The following DNAJC13 variants were observed in gnomAD, a reference collection of about 807,000 sequenced individuals.
DNAJC13 encodes the protein dnaJ homolog subfamily C member 13.
In DNAJC13, 75 loss-of-function variants were observed where a neutral mutation model predicts 290.5. The observed-to-expected ratio is 0.26, with a 90% CI of 0.21 to 0.31. The LOEUF (loss-of-function observed/expected upper bound fraction) is 0.31. Ranked by LOEUF, DNAJC13 falls within the 10% of genes least tolerant of loss-of-function variation. The pLI, the probability that DNAJC13 is intolerant of heterozygous loss-of-function variation, is 1.00. For synonymous variants in DNAJC13, 862 were observed against 892.0 expected (o/e 0.97, Z 0.60); for missense variants, 2,260 against 2,674.5 (o/e 0.85, Z 3.42).
At chr3:132,435,743 T>G (rs981606902) in intron 2 of DNAJC13, among the ~76,000 whole-genome samples, 1 of 152,192 alleles carries the variant, frequency 6.6e-6, no homozygotes, top group Non-Finnish European at 1.5e-5. Flanking sequence ...AGTATATCTT[T>G]AAATAATCCT....
At chr3:132,494,981 T>C (rs1935186564) in intron 34 of DNAJC13, 107 bp from the exon 35 acceptor site, 1 of 707,380 alleles carries the variant, frequency 1.4e-6, no homozygotes, top group Non-Finnish European at 2.3e-6. Context: ...TATATAATCA[T>C]ATACAATTCT....
chr3:132,433,369 C>A (rs954783458), intron 1 of DNAJC13, among the ~76,000 whole-genome samples: 16 of 151,718 alleles, frequency 1.1e-4, no homozygotes, highest in Non-Finnish European at 5.9e-5. Context: ...TAATACCACA[C>A]TACTCAATAG....
chr3:132,429,709 T>C (rs1939192993), intron 1 of DNAJC13, among the ~76,000 whole-genome samples: 1 of 152,190 alleles, frequency 6.6e-6, no homozygotes, highest in Non-Finnish European at 1.5e-5. Context: ...GATGGTAATA[T>C]AGCATTGAAT....
chr3:132,490,845 G>A, intron 31 of DNAJC13, 52 bp from the exon 32 acceptor site: 1 of 1,415,390 alleles, frequency 7.1e-7, no homozygotes, highest in Non-Finnish European at 9.3e-7. Flanking sequence ...TTAGAAAATT[G>A]AAAGTTAACT....
chr3:132,460,962 A>T (rs1933777731), intron 14 of DNAJC13, 88 bp from the exon 15 acceptor site: 1 of 1,258,876 alleles, frequency 7.9e-7, no homozygotes, highest in Admixed American at 2.3e-5. Flanking sequence ...TGACATATAG[A>T]ATAACAGAAA....
chr3:132,465,538 G>A (rs1933950613), intron 17 of DNAJC13, among the ~76,000 whole-genome samples: 1 of 152,128 alleles, frequency 6.6e-6, no homozygotes, highest in Non-Finnish European at 1.5e-5. Context: ...CTCTAGAAGT[G>A]AAAATAATTT....
rs565082938 is a variant in DNAJC13, at chr3:132,479,868, G to A, written c.2773-501G>A. Among the ~76,000 whole-genome samples, 552 of 152,154 alleles carry A rather than the reference G, an allele frequency of 3.6e-3. 3 individuals are homozygous for A. Among genetic ancestry groups the A allele is most frequent in the Non-Finnish European group, 6.5e-3 (441 of 67,960 alleles). On this transcript the variant is annotated intron_variant, in intron 25 of 55. Transcript: ENST00000260818. ...TTTGATACTAATACCAATTTGCATA[G>A]TTTTATTCTTAAGTAATGCAAATGT...
intron 22 of DNAJC13, among the ~76,000 whole-genome samples, chr3:132,475,858 C>G (rs529912583): frequency 2.8e-4 from 42 of 152,168 alleles, no homozygotes; most frequent in Non-Finnish European, 5.3e-4. Context: ...AGTTTCAGTT[C>G]TTTGACCTCG....
intron 1 of DNAJC13, among the ~76,000 whole-genome samples, chr3:132,423,696 T>C (rs77231237): frequency 0.03 from 4,497 of 152,318 alleles, 216 homozygotes; most frequent in African/African-American, 0.1. Flanking sequence ...TGTATGTTTT[T>C]GCTATTTTGT....
intron 51 of DNAJC13, 187 bp downstream of exon 51, chr3:132,523,900 T>C (rs927974633): frequency 7.1e-6 from 4 of 564,874 alleles, no homozygotes; most frequent in African/African-American, 3.8e-5. Context: ...TGAAGCTCTT[T>C]AGTATGTTTA....
chr3:132,499,792 G>A lies in DNAJC13; in HGVS notation c.4400G>A (p.Ser1467Asn), dbSNP rs577390595. 6.7e-5 allele frequency: 108 copies of A among 1,614,090 alleles called. 1 individual carries two copies. In the South Asian group the frequency reaches 1.1e-3, roughly 17 times the overall value. The change falls in exon 38 of 56, where the codon AGT (serine) becomes AAT (asparagine). Residue 1467 changes from serine to asparagine, a missense_variant. Physicochemically the swap from Ser to Asn is conservative, Grantham distance 46. This residue lies in a region of DNAJC13 where 1,494 missense variants were observed against 1,693.7 expected (regional missense o/e 0.88). Coordinates refer to ENST00000260818, the MANE Select transcript of DNAJC13 (RefSeq NM_015268.4). ...VAVLTRASKPSDMSVQVCGYI... is the reference protein window; with the variant it reads ...VAVLTRASKPNDMSVQVCGYI... ...GTCTTGACTCGTGCTAGTAAACCAA[G>A]TGACATGTCAGTACAGGTGAGGCTA...
chr3:132,467,111 T>C, intron 19 of DNAJC13, 59 bp from the exon 20 acceptor site: 3 of 1,549,314 alleles, frequency 1.9e-6, no homozygotes, highest in Non-Finnish European at 2.6e-6. Flanking sequence ...CAGCTTTACA[T>C]AGAGTTTTAA....
intron 20 of DNAJC13, among the ~76,000 whole-genome samples, chr3:132,467,537 C>G (rs887734812): frequency 5.3e-5 from 8 of 152,152 alleles, no homozygotes; most frequent in African/African-American, 1.9e-4. Flanking sequence ...GCGATCTCGT[C>G]TCACTGCAAG....
intron 27 of DNAJC13, 50 bp from the exon 28 acceptor site, chr3:132,483,325 G>T: frequency 1.3e-6 from 2 of 1,496,730 alleles, no homozygotes; most frequent in Admixed American, 1.7e-5. Context: ...ACACTAGTGA[G>T]GTTTTTCATT....
intron 29 of DNAJC13, among the ~76,000 whole-genome samples, chr3:132,486,726 C>G (rs986586560): frequency 6.6e-6 from 1 of 152,154 alleles, no homozygotes; most frequent in East Asian, 1.9e-4. Context: ...ATGTTATCTT[C>G]ATCGGTTGGA....
In DNAJC13 at chr3:132,525,803, C is replaced by T. The variant is rs765982730; in HGVS notation, c.6240+14C>T. On this transcript the variant is annotated intron_variant, in intron 52 of 55. Transcript: ENST00000260818. ...TCTGAAAATGAGGTATTGATGAATA[C>T]ACTTAGTAGTTTATAAGCTCCAGAA... 6.2e-7 allele frequency: 1 copy of T among 1,609,968 alleles called. No individual in the cohort carries two copies. The highest frequency in any genetic ancestry group is 1.3e-5 in the African/African-American group (1 of 74,928).
chr3:132,423,169 C>G (rs961422419), intron 1 of DNAJC13, among the ~76,000 whole-genome samples: 1 of 152,084 alleles, frequency 6.6e-6, no homozygotes, highest in Admixed American at 6.5e-5. Flanking sequence ...GTGACGTGTG[C>G]TCGGGAGGCT....
At chr3:132,497,047 C>T (rs1935255916) in intron 36 of DNAJC13, among the ~76,000 whole-genome samples, 1 of 152,160 alleles carries the variant, frequency 6.6e-6, no homozygotes. Context: ...CTTTAAAAGC[C>T]TCTGAAGGTT....
chr3:132,520,961 TAGG>T (rs546497269), intron 48 of DNAJC13, among the ~76,000 whole-genome samples: 24 of 152,338 alleles, frequency 1.6e-4, no homozygotes, highest in Non-Finnish European at 3.1e-4. Flanking sequence ...GGTTAGTTAT[TAGG>T]AGTTCTTTTA....
Sources: allele counts gnomAD v4.1 joint callset (sites outside exome capture counted in the v4.1 genomes callset), GRCh38; gene constraint gnomAD v4.1.1; regional missense constraint gnomAD v4.1.1; transcripts MANE v1.5; gene names NCBI Gene and HGNC (gene_info 2026-07-23, HGNC 2026-07-21).